LENG8: variants seen among roughly 807,000 people sequenced by gnomAD.
LENG8 encodes leukocyte receptor cluster (LRC) member 8.
LENG8 carries 28 observed loss-of-function variants against 102.1 expected under a neutral mutation model. The observed-to-expected ratio is 0.27, with a 90% CI of 0.20 to 0.38. The LOEUF (loss-of-function observed/expected upper bound fraction) is 0.38. Ranked by LOEUF, LENG8 falls within the 10% of genes least tolerant of loss-of-function variation. The pLI is 1.00. For missense variants in LENG8, 1,022 were observed against 1,113.9 expected (o/e 0.92, Z 1.17); for synonymous variants, 531 against 456.7 (o/e 1.16, Z -2.07).
At chr19:54,454,752 G>T (rs2084135863) in intron 6 of LENG8, 70 bp downstream of exon 6, 1 of 1,493,804 alleles carries the variant, frequency 6.7e-7, no homozygotes. Context: ...TGTGAGGCCC[G>T]TGGTGTGTGC....
intron 15 of LENG8, 123 bp from the exon 16 acceptor site, chr19:54,460,643 G>A: frequency 7.0e-7 from 1 of 1,436,412 alleles, no homozygotes. Context: ...CGGGTGGGGA[G>A]CCAGCAGGCA....
chr19:54,458,804 C>G, intron 15 of LENG8: 1 of 1,551,106 alleles, frequency 6.4e-7, no homozygotes, highest in Non-Finnish European at 8.7e-7. Context: ...TCTCTTCCTC[C>G]TGTTCTCTCC....
At position 54,454,585 on chromosome 19, in the gene LENG8, C is replaced by T. The variant is rs1277794473; in HGVS notation, c.582C>T (p.Ser194=). ...QPGTAPATQH[S]QAGPATGQAY... ...GGACAGCTCCAGCCACACAGCACAG[C>T]CAGGCGGGGCCCGCCACGGGCCAGG... The change falls in exon 6 of 16, where the codon AGC becomes AGT. Residue 194 remains serine, a synonymous_variant. Coordinates refer to ENST00000326764, the MANE Select transcript of LENG8 (RefSeq NM_052925.4). 6.2e-7 allele frequency: 1 copy of T among 1,601,524 alleles called. No individual in the cohort carries two copies. The highest frequency in any genetic ancestry group is 1.3e-5 in the African/African-American group (1 of 74,558).
chr19:54,458,774 T>G lies in LENG8; in HGVS notation c.2240+253T>G, dbSNP rs376942533. 1.4e-4 allele frequency: 211 copies of G among 1,551,244 alleles called. No homozygotes were observed. The African/African-American group carries it at 2.5e-3, about 18-fold the overall frequency. ...CCCAGCTCACTGCCTCTGGGGCCTC[T>G]TCTCCACCCCATCTGTGTGTCTCTT... is the stretch of plus-strand genomic sequence containing the variant. On this transcript the variant is annotated intron_variant, in intron 15 of 15. Coordinates refer to ENST00000326764, the MANE Select transcript of LENG8 (RefSeq NM_052925.4).
chr19:54,460,833 C>G lies in LENG8; in HGVS notation c.2308C>G (p.Arg770Gly), dbSNP rs1219528894. Residue 770 changes from arginine (R) to glycine (G), a missense_variant, in exon 16 of 16, where the codon CGG becomes GGG. Coordinates refer to ENST00000326764, the MANE Select transcript of LENG8 (RefSeq NM_052925.4). The stretch of plus-strand genomic sequence containing the variant: ...GGCCTTCGAGGGCGAGGCCGCCTGC[C>G]GGGCCTTCCTAGAGCCCCTGGGCCT... Reference protein sequence around the residue: ...ELAFEGEAACRAFLEPLGLAY... With the variant: ...ELAFEGEAACGAFLEPLGLAY... 8.2e-6 allele frequency: 13 copies of G among 1,578,794 alleles called. No individual in the cohort carries two copies. Among genetic ancestry groups the G allele is most frequent in the Non-Finnish European group, 1.0e-5 (12 of 1,163,630 alleles).
chr19:54,454,624 C>T lies in LENG8; in HGVS notation c.621C>T (p.His207=). 1.2e-6 allele frequency: 2 copies of T among 1,609,600 alleles called. No homozygotes were observed. Among genetic ancestry groups the T allele is most frequent in the Non-Finnish European group, 1.7e-6 (2 of 1,179,248 alleles). ...CCACGGGCCAGGCCTATGGGCCACACACCTACACCGAACCTGCCAAGCCCA... is the reference window on the plus strand; with the variant it reads ...CCACGGGCCAGGCCTATGGGCCACATACCTACACCGAACCTGCCAAGCCCA... ...GPATGQAYGP[H]TYTEPAKPKK... The change falls in exon 6 of 16, where the codon CAC becomes CAT. Residue 207 remains histidine, a synonymous_variant. Coordinates refer to ENST00000326764, the MANE Select transcript of LENG8 (RefSeq NM_052925.4).
rs568673565 is a variant in LENG8 at position 54,456,588 on chromosome 19, G to A, written c.1446-48G>A. ...AGCTGCCAAAGGGGCGAGGCTGAAG[G>A]GGGGCTGGAGACGCCTGTCGCGCTC... On this transcript the variant is annotated intron_variant, in intron 10 of 15. Coordinates refer to ENST00000326764, the MANE Select transcript of LENG8 (RefSeq NM_052925.4). 205 of 1,563,410 alleles carry A rather than the reference G, an allele frequency of 1.3e-4. 1 individual carries two copies. The South Asian group carries it at 2.2e-3, about 17-fold the overall frequency.
At chr19:54,456,946 G>A (rs1435083217) in intron 11 of LENG8, 25 bp downstream of exon 11, 1 of 1,579,518 alleles carries the variant, frequency 6.3e-7, no homozygotes, top group Non-Finnish European at 8.6e-7. Context: ...GGGCAGTTCT[G>A]CTCTGTGAGG....
Position 54,456,258 on chromosome 19 carries a change from C to A in LENG8, c.1304+13C>A. 6.2e-6 allele frequency: 10 copies of A among 1,614,062 alleles called. No individual in the cohort carries two copies. Among genetic ancestry groups the A allele is most frequent in the Non-Finnish European group, 8.5e-6 (10 of 1,179,954 alleles). ...ACTTCCGCAGAAGGTACTGAGGCTC[C>A]CGGCTGGGGCTGTGTGTGAGGGAGG... is the stretch of plus-strand genomic sequence containing the variant. On this transcript the variant is annotated intron_variant, in intron 9 of 15. Coordinates refer to ENST00000326764, the MANE Select transcript of LENG8 (RefSeq NM_052925.4).
rs978525615 is a variant in LENG8, at chr19:54,461,562, C to T, written c.*634C>T. 2 of 472,316 alleles carry T rather than the reference C, an allele frequency of 4.2e-6. No individual in the cohort carries two copies. The highest frequency in any genetic ancestry group is 8.8e-6 in the Non-Finnish European group (2 of 227,690). The allele number at this position is 472,316 out of a possible 1,614,324, so 29.3% of individuals were successfully genotyped here. A position where few individuals can be genotyped will look rare whatever the true frequency, so the allele number is the denominator to read the frequency against. ...ACACGCCGGCCGGGCCGCCTCGTCTCAAGTTGTATAAAGTTGTCTCCGTGT... is the reference window on the plus strand; with the variant it reads ...ACACGCCGGCCGGGCCGCCTCGTCTTAAGTTGTATAAAGTTGTCTCCGTGT... On this transcript the variant is annotated 3_prime_UTR_variant, in exon 16 of 16. Coordinates refer to ENST00000326764, the MANE Select transcript of LENG8 (RefSeq NM_052925.4).
At position 54,454,586 on chromosome 19, in the gene LENG8, C is replaced by T; in HGVS notation, c.583C>T (p.Gln195Ter). 1 of 1,602,218 alleles carries T rather than the reference C, an allele frequency of 6.2e-7. No homozygotes were observed. The highest frequency in any genetic ancestry group is 1.7e-5 in the Admixed American group (1 of 58,790). Reference protein sequence around the residue: ...PGTAPATQHSQAGPATGQAYG... With the variant: ...PGTAPATQHS ...GACAGCTCCAGCCACACAGCACAGC[C>T]AGGCGGGGCCCGCCACGGGCCAGGC... Residue 195 changes from glutamine to a stop codon, truncating the protein, a stop_gained, in exon 6 of 16, where the codon CAG becomes TAG. Transcript: ENST00000326764. LOFTEE classifies it high-confidence loss of function.
At chr19:54,453,322 C>G (rs541779970) in intron 4 of LENG8, among the ~76,000 whole-genome samples, 1 of 152,316 alleles carries the variant, frequency 6.6e-6, no homozygotes, top group East Asian at 1.9e-4. Context: ...AGTTGGCACT[C>G]AGTATCGTTG....
At position 54,460,931 on chromosome 19, in the gene LENG8, A is replaced by G. The variant is rs1325670390; in HGVS notation, c.*3A>G. 3 of 1,544,914 alleles carry G rather than the reference A, an allele frequency of 1.9e-6. No homozygotes were observed. The highest frequency in any genetic ancestry group is 1.4e-5 in the African/African-American group (1 of 73,148). On this transcript the variant is annotated 3_prime_UTR_variant, in exon 16 of 16. Coordinates refer to ENST00000326764, the MANE Select transcript of LENG8 (RefSeq NM_052925.4). ...TGGCGCAGCTGTCAGCCTTCTGAGC[A>G]CCCAGCGAGGAGGGGCGGGGGCAGG...
Position 54,456,810 on chromosome 19 carries a change from G to A in LENG8, c.1620G>A (p.Gly540=), listed in dbSNP as rs780643438. ...VLQMSSLESS[G]ADPDWQELQI... ...AGATGAGCAGCCTGGAGAGCAGTGGGGCTGACCCTGACTGGCAGGAGCTGC... is the reference window on the plus strand; with the variant it reads ...AGATGAGCAGCCTGGAGAGCAGTGGAGCTGACCCTGACTGGCAGGAGCTGC... Residue 540 remains glycine, a synonymous_variant, in exon 11 of 16, where the codon GGG becomes GGA. Transcript: ENST00000326764. 2 of 1,611,392 alleles carry A rather than the reference G, an allele frequency of 1.2e-6. No homozygotes were observed. The highest frequency in any genetic ancestry group is 1.7e-6 in the Non-Finnish European group (2 of 1,179,658).
intron 12 of LENG8, 26 bp from the exon 13 acceptor site, chr19:54,457,908 C>T (rs1390907637): frequency 2.5e-6 from 4 of 1,613,996 alleles, no homozygotes; most frequent in African/African-American, 1.3e-5. Flanking sequence ...CTCCTTGTGA[C>T]TCTTGTTCTC....
chr19:54,459,043 C>T (rs2084399854), intron 15 of LENG8: 13 of 1,432,600 alleles, frequency 9.1e-6, no homozygotes, highest in Non-Finnish European at 1.2e-5. Context: ...CTGGTCAGGC[C>T]ATGCCCCTGC....
At chr19:54,452,782 G>A (rs2123082148) in intron 4 of LENG8, 30 bp downstream of exon 4, 1 of 1,535,290 alleles carries the variant, frequency 6.5e-7, no homozygotes, top group African/African-American at 1.4e-5. Context: ...GGCGGGGCAG[G>A]GCGAGGTGGA....
rs3813148 is a variant in LENG8 at position 54,454,681 on chromosome 19, A to G, written c.678A>G (p.Lys226=). 0.41 allele frequency: 649,105 copies of G among 1,590,308 alleles called. 135,822 individuals carry two copies. The highest frequency in any genetic ancestry group is 0.62 in the East Asian group (27,512 of 44,442). ...KKGQQLWNRM[K]PAPGTGGLKF... ...GCCAACAGCTGTGGAACCGCATGAAACGTAAGTTGGCAGAGCTACGTGGAG... is the reference window on the plus strand; with the variant it reads ...GCCAACAGCTGTGGAACCGCATGAAGCGTAAGTTGGCAGAGCTACGTGGAG... Residue 226 remains lysine, a splice_region_variant and synonymous_variant, in exon 6 of 16, where the codon AAA becomes AAG. Coordinates refer to ENST00000326764, the MANE Select transcript of LENG8 (RefSeq NM_052925.4).
chr19:54,460,964 G>A lies in LENG8; in HGVS notation c.*36G>A, dbSNP rs1161708278. 4 of 1,537,810 alleles carry A rather than the reference G, an allele frequency of 2.6e-6. No homozygotes were observed. The highest frequency in any genetic ancestry group is 3.5e-6 in the Non-Finnish European group (4 of 1,146,698). Reference sequence around the variant, plus strand: ...AGGAGGGGCGGGGGCAGGGGCTGCAGCCCCCAGCGCTGCCTTTGCGGATTC... The same window carrying A: ...AGGAGGGGCGGGGGCAGGGGCTGCAACCCCCAGCGCTGCCTTTGCGGATTC... On this transcript the variant is annotated 3_prime_UTR_variant, in exon 16 of 16. Coordinates refer to ENST00000326764, the MANE Select transcript of LENG8 (RefSeq NM_052925.4).
Sources: gnomAD v4.1 joint callset for allele counts (sites outside exome capture counted in the v4.1 genomes callset) on GRCh38, gnomAD v4.1.1 for gene constraint, MANE v1.5 for transcripts, NCBI Gene and HGNC (gene_info 2026-07-23, HGNC 2026-07-21) for gene names.